The following DOCK10 variants were observed in gnomAD, a reference collection of about 807,000 sequenced individuals.
DOCK10 encodes the protein dedicator of cytokinesis protein 10.
A neutral mutation model predicts 280.1 loss-of-function variants in DOCK10; 145 were observed. That is an observed-to-expected ratio of 0.52 (90% CI 0.45 to 0.59). The LOEUF (loss-of-function observed/expected upper bound fraction) is 0.59, where lower values mean the gene tolerates loss of function less well. DOCK10 is among the 20% of genes least tolerant of loss of function. The pLI, the probability that DOCK10 is intolerant of heterozygous loss-of-function variation, is 0.00. For synonymous variants in DOCK10, 915 were observed against 942.2 expected, an observed-to-expected ratio of 0.97 and a Z score of 0.53; for missense variants, 2,368 against 2,651.7, an observed-to-expected ratio of 0.89 and a Z score of 2.35.
chr2:224,997,522 G>T (rs377519970), intron 1 of DOCK10, among the ~76,000 whole-genome samples: 117 of 152,142 alleles, frequency 7.7e-4, no homozygotes, highest in African/African-American at 2.7e-3. Context: ...GAGAGCCACC[G>T]CGCCCGGCTG....
chr2:225,026,412 A>G (rs1689923221), intron 1 of DOCK10, among the ~76,000 whole-genome samples: 1 of 152,184 alleles, frequency 6.6e-6, no homozygotes, highest in Non-Finnish European at 1.5e-5. Context: ...AGGAAACCAC[A>G]AGGACATTGC....
At chr2:224,929,730 C>T (rs6711802) in intron 2 of DOCK10, among the ~76,000 whole-genome samples, 85,324 of 152,070 alleles carry the variant, frequency 0.56, 24,895 homozygotes, top group Non-Finnish European at 0.64. Context: ...ATCAGAGACA[C>T]TCCTCAATTT....
chr2:224,959,326 T>A lies in DOCK10; in HGVS notation c.124-27658A>T, dbSNP rs756117439. ...GGACTTCTTGTTCTGAAGCTTTTTTTAAAAAAACTCTAAACTTCTATGTTT... is the reference window on the plus strand; with the variant it reads ...GGACTTCTTGTTCTGAAGCTTTTTTAAAAAAAACTCTAAACTTCTATGTTT... On this transcript the variant is annotated intron_variant, in intron 1 of 55. Transcript: ENST00000258390. Among the ~76,000 whole-genome samples the A allele has an allele frequency of 2.4e-4, 37 of 152,230 alleles. 1 individual carries two copies. Among genetic ancestry groups the A allele is most frequent in the Admixed American group, 1.0e-3 (16 of 15,282 alleles).
At chr2:224,909,393 G>T (rs191940764) in intron 3 of DOCK10, among the ~76,000 whole-genome samples, 83 of 152,180 alleles carry the variant, frequency 5.5e-4, no homozygotes, top group African/African-American at 1.8e-3. Flanking sequence ...TCATACTATT[G>T]CTATATTTAT....
chr2:225,038,963 A>G (rs1690337948), intron 1 of DOCK10, among the ~76,000 whole-genome samples: 3 of 152,182 alleles, frequency 2.0e-5, no homozygotes, highest in Admixed American at 2.0e-4. Context: ...CAAAAAGTTT[A>G]CCTATACTTT....
intron 1 of DOCK10, among the ~76,000 whole-genome samples, chr2:225,027,085 C>G (rs958369377): frequency 2.6e-5 from 4 of 152,118 alleles, no homozygotes; most frequent in African/African-American, 9.7e-5. Context: ...GTACACAGTA[C>G]TAGGGAATAT....
intron 2 of DOCK10, among the ~76,000 whole-genome samples, chr2:224,919,146 GTGTA>G (rs570472991): frequency 4.0e-5 from 6 of 149,806 alleles, no homozygotes; most frequent in Non-Finnish European, 8.9e-5. Flanking sequence ...TGTGTGGTGT[GTGTA>G]TGTGTGGTGT....
chr2:224,987,662 A>G (rs2126265237), intron 1 of DOCK10, among the ~76,000 whole-genome samples: 1 of 152,314 alleles, frequency 6.6e-6, no homozygotes, highest in African/African-American at 2.4e-5. Flanking sequence ...TCCACAGGTC[A>G]GTCTGACCAA....
intron 1 of DOCK10, among the ~76,000 whole-genome samples, chr2:224,944,639 C>T (rs1347036457): frequency 1.3e-5 from 2 of 152,186 alleles, no homozygotes; most frequent in Admixed American, 6.5e-5. Context: ...GCAGGGAGAA[C>T]GACTTCCTCA....
In DOCK10 at chr2:224,790,527, T is replaced by C. The variant is rs137888152; in HGVS notation, c.5312-1357A>G. Among the ~76,000 whole-genome samples, 33 of 152,304 alleles carry C rather than the reference T, an allele frequency of 2.2e-4. 1 individual carries two copies. Among genetic ancestry groups the C allele is most frequent in the African/African-American group, 7.7e-4 (32 of 41,574 alleles). On this transcript the variant is annotated intron_variant, in intron 47 of 55. Coordinates refer to ENST00000258390, the MANE Select transcript of DOCK10 (RefSeq NM_014689.3). ...GTTTTTGTTTTTAATAATCAGCTCA[T>C]TGGTTATGTAACTAAATGATCACTC...
At chr2:224,950,189 T>C (rs1381731679) in intron 1 of DOCK10, among the ~76,000 whole-genome samples, 1 of 152,206 alleles carries the variant, frequency 6.6e-6, no homozygotes, top group Non-Finnish European at 1.5e-5. Flanking sequence ...TGCATTAATC[T>C]AGATATTAAC....
intron 1 of DOCK10, among the ~76,000 whole-genome samples, chr2:224,985,351 G>C (rs1705944205): frequency 1.3e-5 from 2 of 150,866 alleles, no homozygotes; most frequent in Non-Finnish European, 3.0e-5. Context: ...TTTCATCCTG[G>C]GTCATTAATT....
rs532509609 is a variant in DOCK10, at chr2:224,888,755, AATAT to A, written c.417-2228_417-2225del. Among the ~76,000 whole-genome samples the A allele has an allele frequency of 2.1e-3, 316 of 151,230 alleles. 1 individual carries two copies. Among genetic ancestry groups the A allele is most frequent in the African/African-American group, 6.8e-3 (279 of 41,286 alleles). ...GAATATATGTGTGTATGTGTGTGTG[AATAT>A]ATATGTGTATGTATGTGTGTGAATA... is the stretch of plus-strand genomic sequence containing the variant. On this transcript the variant is annotated intron_variant, in intron 4 of 55. Transcript: ENST00000258390.
At chr2:224,798,909 C>A (rs1692775098) in intron 41 of DOCK10, among the ~76,000 whole-genome samples, 1 of 152,200 alleles carries the variant, frequency 6.6e-6, no homozygotes, top group Admixed American at 6.5e-5. Flanking sequence ...GCTGGAATTA[C>A]AGGCATGAGC....
At chr2:224,946,681 A>G (rs1030467220) in intron 1 of DOCK10, among the ~76,000 whole-genome samples, 22 of 152,372 alleles carry the variant, frequency 1.4e-4, no homozygotes, top group Admixed American at 1.2e-3. Flanking sequence ...CTTCAAAAAT[A>G]ATGATGGAAG....
intron 1 of DOCK10, among the ~76,000 whole-genome samples, chr2:224,990,592 TGTTGTA>T (rs61017874): frequency 0.072 from 10,220 of 141,058 alleles, 952 homozygotes; most frequent in African/African-American, 0.27. Context: ...AAGTAGTTTT[TGTTGTA>T]GTTGTTGTTG....
At position 224,773,229 on chromosome 2, in the gene DOCK10, A is replaced by G; in HGVS notation, c.6132T>C (p.Asn2044=). The G allele has an allele frequency of 6.2e-7, 1 of 1,613,990 alleles. No individual in the cohort carries two copies. The highest frequency in any genetic ancestry group is 1.1e-5 in the South Asian group (1 of 91,084). The change falls in exon 53 of 56, where the codon AAT becomes AAC. Residue 2044 remains asparagine (N), a synonymous_variant. Transcript: ENST00000258390. ...DEMSKKVSEL[N]QLCTMEEVDM... ...CCACTTCTTCCATTGTGCAAAGCTG[A>G]TTAAGCTCAGAAACCTTCTTGGACA... is the stretch of plus-strand genomic sequence containing the variant.
At chr2:224,892,249 A>T (rs1299654883) in intron 4 of DOCK10, among the ~76,000 whole-genome samples, 1 of 151,750 alleles carries the variant, frequency 6.6e-6, no homozygotes, top group Non-Finnish European at 1.5e-5. Flanking sequence ...ACACAAAAAA[A>T]TTAGCCAGGC....
At chr2:224,903,076 C>G (rs1328099156) in intron 3 of DOCK10, among the ~76,000 whole-genome samples, 3 of 152,102 alleles carry the variant, frequency 2.0e-5, no homozygotes, top group Non-Finnish European at 4.4e-5. Flanking sequence ...CCAGCCTGGG[C>G]GACAGAGCGA....
Sources: allele counts gnomAD v4.1 joint callset (sites outside exome capture counted in the v4.1 genomes callset), GRCh38; gene constraint gnomAD v4.1.1; transcripts MANE v1.5; gene names NCBI Gene and HGNC (gene_info 2026-07-23, HGNC 2026-07-21).